The following FRMPD1 variants were observed in gnomAD, a reference collection of about 807,000 sequenced individuals.
FRMPD1 encodes FERM and PDZ domain-containing protein 1.
A neutral mutation model predicts 117.8 loss-of-function variants in FRMPD1; 76 were observed. The observed-to-expected ratio is 0.65, with a 90% CI of 0.54 to 0.78. The LOEUF is 0.78. FRMPD1 is among the 30% of genes least tolerant of loss of function. FRMPD1 has a pLI of 0.00. For synonymous variants in FRMPD1, 783 were observed against 770.4 expected (o/e 1.02, Z -0.27); for missense variants, 1,786 against 1,964.5 (o/e 0.91, Z 1.72).
intron 1 of FRMPD1, among the ~76,000 whole-genome samples, chr9:37,684,316 C>T (rs906906167): frequency 6.6e-6 from 1 of 152,204 alleles, no homozygotes; most frequent in South Asian, 2.1e-4. Context: ...GCCTCAGTTT[C>T]CTTTTTTTGT....
chr9:37,734,442 C>G (rs1378843033), intron 12 of FRMPD1, among the ~76,000 whole-genome samples: 1 of 151,596 alleles, frequency 6.6e-6, no homozygotes, highest in Non-Finnish European at 1.5e-5. Flanking sequence ...TGCTCTCTTC[C>G]CATTCTCCTG....
intron 1 of FRMPD1, among the ~76,000 whole-genome samples, chr9:37,687,181 A>C (rs1821979023): frequency 6.6e-6 from 1 of 152,176 alleles, no homozygotes; most frequent in South Asian, 2.1e-4. Context: ...GCTGGGATCT[A>C]CCAGGAACAT....
At chr9:37,610,401 G>A in the FRMPD1 span, among the ~76,000 whole-genome samples, 1 of 152,134 alleles carries the variant, frequency 6.6e-6, no homozygotes, top group African/African-American at 2.4e-5. Context: ...AATGAGGAAA[G>A]TGAGGTTTAG....
the FRMPD1 span, among the ~76,000 whole-genome samples, chr9:37,603,467 T>G: frequency 6.6e-6 from 1 of 152,186 alleles, no homozygotes; most frequent in South Asian, 2.1e-4. Flanking sequence ...ATCCTGGAAG[T>G]AGAGACTTCT....
intron 1 of FRMPD1, among the ~76,000 whole-genome samples, chr9:37,665,038 A>G (rs1052437243): frequency 6.6e-6 from 1 of 152,212 alleles, no homozygotes; most frequent in African/African-American, 2.4e-5. Flanking sequence ...AAAATAAACC[A>G]AATATCCAGC....
rs1824686879 is a variant in FRMPD1 at position 37,745,889 on chromosome 9, G to C, written c.3857G>C (p.Ser1286Thr). The C allele has an allele frequency of 1.2e-6, 2 of 1,614,100 alleles. No homozygotes were observed. The highest frequency in any genetic ancestry group is 1.3e-5 in the African/African-American group (1 of 74,924). Residue 1286 changes from serine to threonine, a missense_variant, in exon 16 of 16, where the codon AGC becomes ACC. Ser to Thr is a moderately conservative substitution (Grantham distance 58). Transcript: ENST00000377765. ...TCAGAAGGCAAAAGTGACAGCTCTA[G>C]CATCTGCCTTTCTGCTGAGAAGTCT... ...LLSEGKSDSS[S>T]ICLSAEKSFL...
rs1263621198 is a variant in FRMPD1, at chr9:37,745,584, G to C, written c.3552G>C (p.Gln1184His). The change falls in exon 16 of 16, where the codon CAG becomes CAC. Residue 1184 changes from glutamine (Q) to histidine (H), a missense_variant. By Grantham distance (24) the Gln-to-His change is conservative (BLOSUM62 0). Coordinates refer to ENST00000377765, the MANE Select transcript of FRMPD1 (RefSeq NM_014907.3). ...PPHPPRDPQG[Q>H]SREPPGQGCQ... ...ATCCCCCTAGAGACCCTCAAGGACA[G>C]AGCAGAGAACCCCCAGGGCAAGGCT... is the stretch of plus-strand genomic sequence containing the variant. The C allele has an allele frequency of 5.0e-6, 8 of 1,613,982 alleles. No individual in the cohort carries two copies. The Admixed American group carries it at 8.3e-5, about 17-fold the overall frequency.
chr9:37,704,052 C>T (rs117349277), intron 2 of FRMPD1, among the ~76,000 whole-genome samples: 3,529 of 152,238 alleles, frequency 0.023, 84 homozygotes, highest in Non-Finnish European at 0.035. Context: ...ATGTTGTACA[C>T]CATGTTTAGT....
chr9:37,675,433 A>T (rs1821494340), intron 1 of FRMPD1, among the ~76,000 whole-genome samples: 1 of 147,302 alleles, frequency 6.8e-6, no homozygotes, highest in Non-Finnish European at 1.5e-5. Context: ...AAAAAAAAAA[A>T]ATACAAATCA....
In FRMPD1 at chr9:37,746,737, A is replaced by T. The variant is rs775825267; in HGVS notation, c.4705A>T (p.Thr1569Ser). 3 of 1,613,920 alleles carry T rather than the reference A, an allele frequency of 1.9e-6. No individual in the cohort carries two copies. Residue 1569 changes from threonine (T) to serine (S), a missense_variant, in exon 16 of 16, where the codon ACC (threonine) becomes TCC (serine). Coordinates refer to ENST00000377765, the MANE Select transcript of FRMPD1 (RefSeq NM_014907.3). ...CCTCACGGCCGCCGTGTTCTGTTTGACCCAGAAGTTCCGGGCATCCACGGC... is the reference window on the plus strand; with the variant it reads ...CCTCACGGCCGCCGTGTTCTGTTTGTCCCAGAAGTTCCGGGCATCCACGGC... ...TALTAAVFCL[T>S]QKFRASTAL
upstream of FRMPD1, among the ~76,000 whole-genome samples, chr9:37,647,369 G>A (rs906320463): frequency 1.3e-5 from 2 of 151,854 alleles, no homozygotes; most frequent in Admixed American, 6.6e-5. Context: ...AAAATTAACC[G>A]GGCGGGGTGG....
At chr9:37,715,522 T>C in intron 5 of FRMPD1, 1 of 413,668 alleles carries the variant, frequency 2.4e-6, no homozygotes, top group South Asian at 1.8e-5. Flanking sequence ...CATTAACTCT[T>C]AGTTCAGCGA....
At chr9:37,710,121 A>C (rs1296288824) in intron 4 of FRMPD1, among the ~76,000 whole-genome samples, 2 of 152,228 alleles carry the variant, frequency 1.3e-5, no homozygotes. Flanking sequence ...AAATTCCTCC[A>C]AATAGCTATG....
At chr9:37,717,762 T>G (rs1162273498) in intron 5 of FRMPD1, among the ~76,000 whole-genome samples, 1 of 152,164 alleles carries the variant, frequency 6.6e-6, no homozygotes, top group Non-Finnish European at 1.5e-5. Flanking sequence ...AAACTTGATA[T>G]TTGACCATCT....
rs1821092560 is a variant in FRMPD1, at chr9:37,664,311, A to C, written c.-5+13217A>C. 2.0e-5 allele frequency among the ~76,000 whole-genome samples: 3 copies of C among 152,038 alleles called. No individual in the cohort carries two copies. In the South Asian group the frequency reaches 6.2e-4, roughly 32 times the overall value. ...TATGTATGTATGTATGTATGTATTT[A>C]TTTATTTATTTTTACTTTAAGTTCC... On this transcript the variant is annotated intron_variant, in intron 1 of 15. Coordinates refer to ENST00000377765, the MANE Select transcript of FRMPD1 (RefSeq NM_014907.3).
In FRMPD1 at chr9:37,689,203, C is replaced by A. The variant is rs78439962; in HGVS notation, c.-4-3435C>A. 1.6e-4 allele frequency among the ~76,000 whole-genome samples: 25 copies of A among 152,208 alleles called. No homozygotes were observed. In the East Asian group the frequency reaches 3.7e-3, roughly 22 times the overall value. On this transcript the variant is annotated intron_variant, in intron 1 of 15. Transcript: ENST00000377765. ...AGGATTTAGCTCTTAGGCTACTGCACTTGCTTCCCTTCACCATATCGTTCC... is the reference window on the plus strand; with the variant it reads ...AGGATTTAGCTCTTAGGCTACTGCAATTGCTTCCCTTCACCATATCGTTCC...
chr9:37,627,048 C>T, the FRMPD1 span, among the ~76,000 whole-genome samples: 5 of 151,268 alleles, frequency 3.3e-5, no homozygotes, highest in African/African-American at 4.9e-5. Flanking sequence ...ACCTTCGAGG[C>T]GATCTTTGCT....
the FRMPD1 span, among the ~76,000 whole-genome samples, chr9:37,629,651 G>A: frequency 2.2e-4 from 33 of 152,254 alleles, 1 homozygote; most frequent in South Asian, 4.4e-3. Flanking sequence ...GAACTTTACT[G>A]GACCTCTTTA....
At chr9:37,630,755 T>A in the FRMPD1 span, among the ~76,000 whole-genome samples, 4 of 152,202 alleles carry the variant, frequency 2.6e-5, no homozygotes, top group African/African-American at 9.7e-5. Context: ...ATGGACAGTG[T>A]GCATCCCGGT....
Sources: allele counts gnomAD v4.1 joint callset (sites outside exome capture counted in the v4.1 genomes callset), GRCh38; gene constraint gnomAD v4.1.1; transcripts MANE v1.5; gene names NCBI Gene and HGNC (gene_info 2026-07-23, HGNC 2026-07-21).